TMEM129: variants seen among roughly 807,000 people sequenced by gnomAD.
The protein encoded by TMEM129 is transmembrane protein 129, E3 ubiquitin ligase, also known as E3 ubiquitin-protein ligase TM129.
A neutral mutation model predicts 34.1 loss-of-function variants in TMEM129; 35 were observed. That is an observed-to-expected ratio of 1.03 (90% CI 0.78 to 1.36). The LOEUF is 1.36. Ranked by LOEUF, TMEM129 falls within the 40% of genes most tolerant of loss-of-function variation. TMEM129 has a pLI of 0.00. For synonymous variants in TMEM129, 239 were observed against 217.3 expected (o/e 1.10, Z -0.88); for missense variants, 504 against 512.6 (o/e 0.98, Z 0.16).
rs769321882 is a variant in TMEM129 at position 1,718,356 on chromosome 4, G to A, written c.476C>T (p.Ala159Val). ...TGTCACAATCACACGGGCACCTGGT[G>A]CACCGGTGGCAAACTTGTCAATCCG... ...FRRIDKFATG[A>V]PGARVIVTDT... The change falls in exon 2 of 4, where the codon GCA becomes GTA. Residue 159 changes from alanine (A) to valine (V), a missense_variant. Physicochemically the swap from Ala to Val is moderately conservative, Grantham distance 64. Coordinates refer to ENST00000382936, the MANE Select transcript of TMEM129 (RefSeq NM_001127266.2). 6.8e-6 allele frequency: 11 copies of A among 1,613,168 alleles called. No homozygotes were observed. The highest frequency in any genetic ancestry group is 2.2e-5 in the East Asian group (1 of 44,876).
At chr4:1,718,115 T>C (rs761284167) in intron 2 of TMEM129, 37 bp downstream of exon 2, 27 of 1,492,310 alleles carry the variant, frequency 1.8e-5, no homozygotes, top group South Asian at 2.5e-5. Context: ...TGGCCTGCCA[T>C]GTGCCCTCCG....
At position 1,716,480 on chromosome 4, in the gene TMEM129, C is replaced by T. The variant is rs913858246; in HGVS notation, c.*700G>A. 1.3e-5 allele frequency: 2 copies of T among 152,422 alleles called. No homozygotes were observed. Among genetic ancestry groups the T allele is most frequent in the Admixed American group, 6.5e-5 (1 of 15,290 alleles). The allele number at this position is 152,422 out of a possible 1,614,324, so 9.4% of individuals were successfully genotyped here. ...CTTTGGTCCTCAACTCAAACCCCCA[C>T]CCCTACCCAGGAGTCTGAGACCTCG... On this transcript the variant is annotated 3_prime_UTR_variant, in exon 4 of 4. Coordinates refer to ENST00000382936, the MANE Select transcript of TMEM129 (RefSeq NM_001127266.2).
At position 1,718,405 on chromosome 4, in the gene TMEM129, A is replaced by C. The variant is rs766515047; in HGVS notation, c.427T>G (p.Ser143Ala). The change falls in exon 2 of 4, where the codon TCC becomes GCC. Residue 143 changes from serine to alanine, a missense_variant. By Grantham distance (99) the Ser-to-Ala change is moderately conservative (BLOSUM62 1). Coordinates refer to ENST00000382936, the MANE Select transcript of TMEM129 (RefSeq NM_001127266.2). ...CGCCGGAACTCAGTGTTGACAGAGG[A>C]GGCAACAGCCTGCCAGCCAGACTGT... Reference protein sequence around the residue: ...LPQSGWQAVASSVNTEFRRID... With the variant: ...LPQSGWQAVAASVNTEFRRID... The C allele has an allele frequency of 1.9e-6, 3 of 1,605,614 alleles. No individual in the cohort carries two copies. In the Admixed American group the frequency reaches 5.1e-5, roughly 27 times the overall value.
At position 1,717,708 on chromosome 4, in the gene TMEM129, A is replaced by T. The variant is rs532669668; in HGVS notation, c.681-33T>A. The T allele has an allele frequency of 6.8e-7, 1 of 1,459,934 alleles. No homozygotes were observed. Among genetic ancestry groups the T allele is most frequent in the Non-Finnish European group, 9.1e-7 (1 of 1,099,010 alleles). 90.4% of individuals were successfully genotyped at this position (1,459,934 alleles called of 1,614,324 possible). On this transcript the variant is annotated intron_variant, in intron 2 of 3. Coordinates refer to ENST00000382936, the MANE Select transcript of TMEM129 (RefSeq NM_001127266.2). Reference sequence around the variant, plus strand: ...GAGGAGAGCTGCTGGGCCCCTCTGCAGGGCAAAGGGAGCGGAAGATGGAGG... The same window carrying T: ...GAGGAGAGCTGCTGGGCCCCTCTGCTGGGCAAAGGGAGCGGAAGATGGAGG...
intron 1 of TMEM129, chr4:1,719,119 G>C (rs1209818357): frequency 1.9e-5 from 21 of 1,122,374 alleles, no homozygotes; most frequent in Admixed American, 4.6e-5. Flanking sequence ...CTGCTGGCCA[G>C]ATCGAGGACA....
chr4:1,717,937 A>G, intron 2 of TMEM129: 1 of 668,688 alleles, frequency 1.5e-6, no homozygotes, highest in South Asian at 2.0e-5. Flanking sequence ...CAGGGAGTGG[A>G]AGGGGAGGCC....
chr4:1,718,042 T>A, intron 2 of TMEM129, 110 bp downstream of exon 2: 1 of 1,010,070 alleles, frequency 9.9e-7, no homozygotes, highest in South Asian at 1.6e-5. Flanking sequence ...AGCCCAGGAG[T>A]GTTGGAGTCC....
intron 1 of TMEM129, chr4:1,718,916 C>T (rs1007407030): frequency 2.3e-6 from 3 of 1,284,920 alleles, no homozygotes; most frequent in Admixed American, 3.3e-5. Context: ...TCAGGTGTCA[C>T]CTCAGGCAGA....
At position 1,719,001 on chromosome 4, in the gene TMEM129, T is replaced by G. The variant is rs1031630276; in HGVS notation, c.206-375A>C. 3 of 1,272,782 alleles carry G rather than the reference T, an allele frequency of 2.4e-6. No homozygotes were observed. The East Asian group carries it at 1.5e-4, about 65-fold the overall frequency. The allele number at this position is 1,272,782 out of a possible 1,614,324, so 78.8% of individuals were successfully genotyped here. ...TCAATCTCACCCGCTCTGAGGAGGC[T>G]GATCAAATGTGGTGCATCCCAGAGC... is the stretch of plus-strand genomic sequence containing the variant. On this transcript the variant is annotated intron_variant, in intron 1 of 3. Transcript: ENST00000382936.
Position 1,716,875 on chromosome 4 carries a change from G to C in TMEM129, c.*305C>G. The C allele has an allele frequency of 2.8e-6, 1 of 351,734 alleles. No homozygotes were observed. The highest frequency in any genetic ancestry group is 4.2e-5 in the East Asian group (1 of 23,624). 21.8% of individuals were successfully genotyped at this position (351,734 alleles called of 1,614,324 possible). ...GTAGACCCAGGGTCTCCAGGGAATGGCTCGGGGGCAGACGCTGTGTCTGTG... is the reference window on the plus strand; with the variant it reads ...GTAGACCCAGGGTCTCCAGGGAATGCCTCGGGGGCAGACGCTGTGTCTGTG... On this transcript the variant is annotated 3_prime_UTR_variant, in exon 4 of 4. Coordinates refer to ENST00000382936, the MANE Select transcript of TMEM129 (RefSeq NM_001127266.2).
intron 1 of TMEM129, chr4:1,719,096 C>A: frequency 7.9e-7 from 1 of 1,260,004 alleles, no homozygotes; most frequent in Non-Finnish European, 1.0e-6. Context: ...GACACGGAGC[C>A]AGCTTCAGGG....
In TMEM129 at chr4:1,720,597, GGA is replaced by G. The variant is rs1717259531; in HGVS notation, c.205+34_205+35del. The G allele has an allele frequency of 6.6e-7, 1 of 1,525,022 alleles. No homozygotes were observed. Among genetic ancestry groups the G allele is most frequent in the Admixed American group, 2.0e-5 (1 of 50,460 alleles). The allele number at this position is 1,525,022 out of a possible 1,614,324, so 94.5% of individuals were successfully genotyped here. A position where few individuals can be genotyped will look rare whatever the true frequency, so the allele number is the denominator to read the frequency against. On this transcript the variant is annotated intron_variant, in intron 1 of 3. Coordinates refer to ENST00000382936, the MANE Select transcript of TMEM129 (RefSeq NM_001127266.2). The surrounding 1 kb of genome is among the most constrained non-coding windows in gnomAD (Gnocchi z 4.4). ...CTGACCTCCCAGCAAGCCCTGCGCAGGAGAGGATGCGGCCGGCCGGCCCGAGC... is the reference window on the plus strand; with the variant it reads ...CTGACCTCCCAGCAAGCCCTGCGCAGGAGGATGCGGCCGGCCGGCCCGAGC...
Position 1,718,232 on chromosome 4 carries a change from C to T in TMEM129, c.600G>A (p.Ser200=), listed in dbSNP as rs764608979. Residue 200 remains serine (S), a synonymous_variant, in exon 2 of 4, where the codon TCG becomes TCA. Transcript: ENST00000382936. Reference sequence around the variant, plus strand: ...GCTGCACGGGCAAGTTCGAGTCTGGCGAGAGCTCATGCTGCCGAGACTCCG... The same window carrying T: ...GCTGCACGGGCAAGTTCGAGTCTGGTGAGAGCTCATGCTGCCGAGACTCCG... ...TVTESRQHEL[S]PDSNLPVQLL... is the part of the protein sequence containing the mutation. 1.9e-5 allele frequency: 31 copies of T among 1,603,408 alleles called. No individual in the cohort carries two copies. The highest frequency in any genetic ancestry group is 2.6e-5 in the Non-Finnish European group (30 of 1,175,082).
rs1717085445 is a variant in TMEM129 at position 1,718,328 on chromosome 4, G to A, written c.504C>T (p.Asp168=). The A allele has an allele frequency of 1.9e-6, 3 of 1,613,564 alleles. No individual in the cohort carries two copies. In the East Asian group the frequency reaches 6.7e-5, roughly 36 times the overall value. Residue 168 remains aspartate (D), a synonymous_variant, in exon 2 of 4, where the codon GAC becomes GAT. Transcript: ENST00000382936. The part of the protein sequence containing the change: ...GAPGARVIVT[D]TWVMKVTTYR... The stretch of plus-strand genomic sequence containing the variant: ...AGGTGGTTACCTTCATCACCCACGT[G>A]TCTGTCACAATCACACGGGCACCTG...
chr4:1,719,497 T>TG (rs908572835), intron 1 of TMEM129, among the ~76,000 whole-genome samples: 1 of 152,164 alleles, frequency 6.6e-6, no homozygotes, highest in Non-Finnish European at 1.5e-5. Context: ...CCAGCCTGGG[T>TG]GACAGAGCGA....
rs2108673079 is a variant in TMEM129 at position 1,716,708 on chromosome 4, C to G, written c.*472G>C. ...AGTGCCCTCTTCTCCATCCCACCCT[C>G]AGGACCTACCCAGGGTCCTCCAGGC... is the stretch of plus-strand genomic sequence containing the variant. On this transcript the variant is annotated 3_prime_UTR_variant, in exon 4 of 4. Coordinates refer to ENST00000382936, the MANE Select transcript of TMEM129 (RefSeq NM_001127266.2). 6.3e-6 allele frequency: 1 copy of G among 157,764 alleles called. No individual in the cohort carries two copies. The highest frequency in any genetic ancestry group is 1.4e-5 in the Non-Finnish European group (1 of 71,846). The allele number at this position is 157,764 out of a possible 1,614,324, so 9.8% of individuals were successfully genotyped here. A position where few individuals can be genotyped will look rare whatever the true frequency, so the allele number is the denominator to read the frequency against.
intron 2 of TMEM129, 163 bp from the exon 3 acceptor site, chr4:1,717,838 GCAC>G: frequency 9.7e-7 from 1 of 1,031,962 alleles, no homozygotes; most frequent in Non-Finnish European, 1.4e-6. Flanking sequence ...CCCAGCCTGG[GCAC>G]GGGACGGACC....
rs1025558354 is a variant in TMEM129 at position 1,717,692 on chromosome 4, T to C, written c.681-17A>G. On this transcript the variant is annotated splice_polypyrimidine_tract_variant and intron_variant, in intron 2 of 3. Coordinates refer to ENST00000382936, the MANE Select transcript of TMEM129 (RefSeq NM_001127266.2). ...GAGTTCAGCCTGCAGGGAGGAGAGC[T>C]GCTGGGCCCCTCTGCAGGGCAAAGG... The C allele has an allele frequency of 1.0e-5, 15 of 1,488,098 alleles. No individual in the cohort carries two copies. The highest frequency in any genetic ancestry group is 1.4e-5 in the African/African-American group (1 of 71,312). The allele number at this position is 1,488,098 out of a possible 1,614,324, so 92.2% of individuals were successfully genotyped here.
At chr4:1,718,054 C>T (rs1287096444) in intron 2 of TMEM129, 98 bp downstream of exon 2, 8 of 1,172,364 alleles carry the variant, frequency 6.8e-6, no homozygotes, top group South Asian at 3.1e-5. Context: ...TTGGAGTCCA[C>T]ACCAGCTACA....
Sources: allele counts gnomAD v4.1 joint callset (sites outside exome capture counted in the v4.1 genomes callset), GRCh38; gene constraint gnomAD v4.1.1; non-coding constraint Gnocchi (gnomAD v3.1); transcripts MANE v1.5; gene names NCBI Gene and HGNC (gene_info 2026-07-23, HGNC 2026-07-21).